ZNF534: variants seen among roughly 807,000 people sequenced by gnomAD.
ZNF534 encodes KRAB domain only 3.
A neutral mutation model predicts 13.6 loss-of-function variants in ZNF534; 19 were observed. The observed-to-expected ratio is 1.40, with a 90% CI of 0.97 to 2.05. The LOEUF is 2.05. Among genes scored for constraint, ZNF534 ranks in the 30% most tolerant of loss-of-function variants. The probability of loss-of-function intolerance (pLI) is 0.00; values close to 1 mark genes in which losing one functional copy is unlikely to be tolerated. For synonymous variants in ZNF534, 244 were observed against 273.8 expected (o/e 0.89, Z 1.07); for missense variants, 782 against 796.3 (o/e 0.98, Z 0.22).
At chr19:52,431,602 C>G in intron 2 of ZNF534, 113 bp downstream of exon 2, 3 of 1,375,340 alleles carry the variant, frequency 2.2e-6, no homozygotes, top group Non-Finnish European at 3.1e-6. Flanking sequence ...TTTCATTGCA[C>G]TTACCCATGG....
intron 2 of ZNF534, among the ~76,000 whole-genome samples, chr19:52,433,656 G>T (rs540094844): frequency 6.6e-6 from 1 of 152,232 alleles, no homozygotes; most frequent in Admixed American, 6.5e-5. Context: ...ATGAGCCGCC[G>T]TGCCCGGCAG....
Position 52,438,868 on chromosome 19 carries a change from G to T in ZNF534, c.1408G>T (p.Glu470Ter). Residue 470 changes from glutamate (E) to a stop codon, truncating the protein, a stop_gained, in exon 5 of 5, where the codon GAA becomes TAA. Transcript: ENST00000433050. LOFTEE classifies it low-confidence loss of function (END_TRUNC). ...TGGAGAGAAGCCTTACAAATGTAAC[G>T]AATGTGGCAAGGTCTTCAGTCAGAA... ...HTGEKPYKCN[E>*]CGKVFSQNSN... 9.3e-6 allele frequency: 15 copies of T among 1,610,974 alleles called. No homozygotes were observed. Among genetic ancestry groups the T allele is most frequent in the Non-Finnish European group, 1.3e-5 (15 of 1,178,410 alleles).
At chr19:52,447,043 A>G (rs570325738), downstream of ZNF534, among the ~76,000 whole-genome samples, 1 of 152,292 alleles carries the variant, frequency 6.6e-6, no homozygotes, top group South Asian at 2.1e-4. Context: ...TCAGTTGCAG[A>G]TCATCTTATA....
In ZNF534 at chr19:52,440,253, C is replaced by A. The variant is rs1026877074; in HGVS notation, c.*807C>A. On this transcript the variant is annotated 3_prime_UTR_variant, in exon 5 of 5. Coordinates refer to ENST00000433050, the MANE Select transcript of ZNF534 (RefSeq NM_001143938.3). ...CCTAACCTCTCATCAAGAGAATTCA[C>A]ACTGGTGATTGACTTTAAACATATA... is the stretch of plus-strand genomic sequence containing the variant. Among the ~76,000 whole-genome samples the A allele has an allele frequency of 3.3e-5, 5 of 152,168 alleles. No homozygotes were observed. The highest frequency in any genetic ancestry group is 7.3e-5 in the Non-Finnish European group (5 of 68,038).
intron 4 of ZNF534, among the ~76,000 whole-genome samples, chr19:52,436,305 AATACACATAGACTT>A (rs907802518): frequency 1.3e-5 from 2 of 152,126 alleles, no homozygotes; most frequent in African/African-American, 4.8e-5. Context: ...CTGCTGGAAA[AATACACATAGACTT>A]ATACAGTTTC....
intron 3 of ZNF534, among the ~76,000 whole-genome samples, chr19:52,434,476 A>G (rs1018849740): frequency 3.3e-5 from 5 of 151,282 alleles, no homozygotes; most frequent in Non-Finnish European, 5.9e-5. Flanking sequence ...AAAAAAAAAA[A>G]AAAAAAAAAA....
In ZNF534 at chr19:52,433,952, T is replaced by C; in HGVS notation, c.16-3T>C. On this transcript the variant is annotated splice_polypyrimidine_tract_variant and splice_region_variant and intron_variant, in intron 2 of 4. Transcript: ENST00000433050. ...TGTTTTTGAAATGTGGATTTCCTTT[T>C]AGGGGCAATTGTCATTCAGCGATGT... 6.2e-7 allele frequency: 1 copy of C among 1,613,848 alleles called. No individual in the cohort carries two copies. Among genetic ancestry groups the C allele is most frequent in the East Asian group, 2.2e-5 (1 of 44,858 alleles).
intron 4 of ZNF534, among the ~76,000 whole-genome samples, chr19:52,447,801 T>A (rs1017516941): frequency 7.2e-5 from 11 of 152,284 alleles, no homozygotes; most frequent in Middle Eastern, 3.4e-3. Flanking sequence ...AGTACAAATC[T>A]TTTTATATAT....
chr19:52,430,416 T>C (rs1054428818), intron 1 of ZNF534, among the ~76,000 whole-genome samples: 2 of 152,184 alleles, frequency 1.3e-5, no homozygotes, highest in African/African-American at 4.8e-5. Flanking sequence ...AGGCATCCAT[T>C]GGGGCTCTTG....
intron 3 of ZNF534, 37 bp from the exon 4 acceptor site, chr19:52,435,044 G>C (rs1475433043): frequency 6.3e-7 from 1 of 1,596,104 alleles, no homozygotes; most frequent in Admixed American, 1.8e-5. Flanking sequence ...CTTTGGAGAT[G>C]CCACAGCACA....
At position 52,437,952 on chromosome 19, in the gene ZNF534, A is replaced by G. The variant is rs753311033; in HGVS notation, c.492A>G (p.Arg164=). The change falls in exon 5 of 5, where the codon AGA becomes AGG. Residue 164 remains arginine, a synonymous_variant. Coordinates refer to ENST00000433050, the MANE Select transcript of ZNF534 (RefSeq NM_001143938.3). ...SVKTHIFNNY[R]NDFLFSTLLP... is the part of the protein sequence containing the mutation. ...AAACCCATATTTTTAATAACTACAG[A>G]AATGATTTTCTTTTTTCTACATTAC... The G allele has an allele frequency of 5.8e-5, 94 of 1,613,430 alleles. No individual in the cohort carries two copies. Among genetic ancestry groups the G allele is most frequent in the Non-Finnish European group, 7.1e-5 (84 of 1,179,850 alleles).
At position 52,439,427 on chromosome 19, in the gene ZNF534, A is replaced by AT. The variant is rs886462337; in HGVS notation, c.1968dup (p.Thr657TyrfsTer9). 2.1e-5 allele frequency: 32 copies of AT among 1,525,242 alleles called. No homozygotes were observed. In the Middle Eastern group the frequency reaches 8.5e-4, roughly 41 times the overall value. 94.5% of individuals were successfully genotyped at this position (1,525,242 alleles called of 1,614,324 possible). ...ATCCTAGTACAACATTGCAGTATTC[A>AT]TACCAGAGAGAAGCCTTAAAAATTT... On this transcript the variant is annotated frameshift_variant, in exon 5 of 5. Transcript: ENST00000433050. LOFTEE classifies it high-confidence loss of function.
At chr19:52,429,677 A>T (rs1035487409) in intron 1 of ZNF534, among the ~76,000 whole-genome samples, 1 of 148,128 alleles carries the variant, frequency 6.8e-6, no homozygotes, top group Non-Finnish European at 1.5e-5. Context: ...CTCACTGCAA[A>T]CTCCGCCTCC....
In ZNF534 at chr19:52,438,308, C is replaced by G. The variant is rs1319962650; in HGVS notation, c.848C>G (p.Ala283Gly). Residue 283 changes from alanine (A) to glycine (G), a missense_variant, in exon 5 of 5, where the codon GCC (alanine) becomes GGC (glycine). Ala to Gly is a moderately conservative substitution (Grantham distance 60). This residue lies in a region of ZNF534 where 591 missense variants were observed against 574.0 expected (regional missense o/e 1.03). Coordinates refer to ENST00000433050, the MANE Select transcript of ZNF534 (RefSeq NM_001143938.3). ...TGTGGGAAAGTCTTTAGTCACCATG[C>G]CTACCTTGCACAGCATAGGAAAATT... The part of the protein sequence containing the change: ...KECGKVFSHH[A>G]YLAQHRKIHT... 6.2e-7 allele frequency: 1 copy of G among 1,606,046 alleles called. No homozygotes were observed. Among genetic ancestry groups the G allele is most frequent in the South Asian group, 1.1e-5 (1 of 90,332 alleles).
chr19:52,439,587 C>CAA lies in ZNF534; in HGVS notation c.*162_*163dup, dbSNP rs75248649. Reference sequence around the variant, plus strand: ...TGAAACCCCATCTCTACTAAAAATACAAAAAAAAAAAAAAAAAAAAAATTA... The same window carrying CAA: ...TGAAACCCCATCTCTACTAAAAATACAAAAAAAAAAAAAAAAAAAAAAAATTA... On this transcript the variant is annotated 3_prime_UTR_variant, in exon 5 of 5. Coordinates refer to ENST00000433050, the MANE Select transcript of ZNF534 (RefSeq NM_001143938.3). 47 of 504,126 alleles carry CAA rather than the reference C, an allele frequency of 9.3e-5. No individual in the cohort carries two copies. Among genetic ancestry groups the CAA allele is most frequent in the East Asian group, 5.9e-4 (14 of 23,808 alleles). The allele number at this position is 504,126 out of a possible 1,614,324, so 31.2% of individuals were successfully genotyped here.
chr19:52,447,911 G>A (rs2061354), intron 4 of ZNF534, among the ~76,000 whole-genome samples: 1 of 150,972 alleles, frequency 6.6e-6, no homozygotes, highest in Non-Finnish European at 1.5e-5. Context: ...CCTTTGCCTA[G>A]TTTTGGCAAA....
chr19:52,437,879 G>T lies in ZNF534; in HGVS notation c.419G>T (p.Ser140Ile). 1 of 1,613,726 alleles carries T rather than the reference G, an allele frequency of 6.2e-7. No homozygotes were observed. The highest frequency in any genetic ancestry group is 8.5e-7 in the Non-Finnish European group (1 of 1,179,824). The change falls in exon 5 of 5, where the codon AGT (serine) becomes ATT (isoleucine). Residue 140 changes from serine to isoleucine, a missense_variant. Coordinates refer to ENST00000433050, the MANE Select transcript of ZNF534 (RefSeq NM_001143938.3). Reference sequence around the variant, plus strand: ...TGTAAGCATGTTGAGAAATCTATCAGTGACAATTCTTCAGTTTCACCAGTT... The same window carrying T: ...TGTAAGCATGTTGAGAAATCTATCATTGACAATTCTTCAGTTTCACCAGTT... ...YGCKHVEKSI[S>I]DNSSVSPVQI...
intron 4 of ZNF534, among the ~76,000 whole-genome samples, chr19:52,436,325 G>A (rs1462447092): frequency 2.0e-5 from 3 of 151,992 alleles, no homozygotes; most frequent in Non-Finnish European, 2.9e-5. Context: ...GACTTATACA[G>A]TTTCCTATTA....
chr19:52,448,741 A>G (rs1225813315), intron 4 of ZNF534, among the ~76,000 whole-genome samples: 1 of 152,186 alleles, frequency 6.6e-6, no homozygotes, highest in Non-Finnish European at 1.5e-5. Flanking sequence ...CATTCTTTTA[A>G]CATTTTCAAT....
Sources: gnomAD v4.1 joint callset for allele counts (sites outside exome capture counted in the v4.1 genomes callset) on GRCh38, gnomAD v4.1.1 for gene constraint, gnomAD v4.1.1 regional missense constraint, MANE v1.5 for transcripts, NCBI Gene and HGNC (gene_info 2026-07-23, HGNC 2026-07-21) for gene names.